Variants in IFT88 observed in about 807,000 individuals in gnomAD.
The protein encoded by IFT88 is intraflagellar transport protein 88 homolog.
A neutral mutation model predicts 119.5 loss-of-function variants in IFT88; 74 were observed. That is an observed-to-expected ratio of 0.62 (90% CI 0.51 to 0.75). IFT88 has a LOEUF of 0.75. IFT88 is among the 30% of genes least tolerant of loss of function. IFT88 has a pLI of 0.00. For synonymous variants in IFT88, 279 were observed against 316.7 expected, an observed-to-expected ratio of 0.88 and a Z score of 1.26; for missense variants, 961 against 977.7, an observed-to-expected ratio of 0.98 and a Z score of 0.23.
intron 13 of IFT88, chr13:20,614,376 T>G (rs1311732518): frequency 6.6e-6 from 1 of 152,138 alleles, no homozygotes; most frequent in Non-Finnish European, 1.5e-5. Context: ...AACATGGATA[T>G]TACTCAGCAA....
intron 24 of IFT88, among the ~76,000 whole-genome samples, chr13:20,679,110 C>T (rs1277766100): frequency 3.3e-5 from 5 of 152,182 alleles, no homozygotes; most frequent in East Asian, 1.9e-4. Context: ...CTTTCCCACT[C>T]GTGCTCTGTT....
intron 17 of IFT88, among the ~76,000 whole-genome samples, chr13:20,638,965 G>T (rs1404154623): frequency 2.0e-5 from 3 of 152,100 alleles, no homozygotes; most frequent in African/African-American, 7.2e-5. Context: ...TTCACATTTT[G>T]CCATCTTTAC....
At chr13:20,624,252 A>G (rs573223767) in intron 14 of IFT88, among the ~76,000 whole-genome samples, 1 of 152,158 alleles carries the variant, frequency 6.6e-6, no homozygotes, top group Non-Finnish European at 1.5e-5. Flanking sequence ...CCAGTTTGTT[A>G]TAATAAAGGA....
rs146900696 is a variant in IFT88 at position 20,604,809 on chromosome 13, G to A, written c.1042-226G>A. On this transcript the variant is annotated intron_variant, in intron 12 of 25. Coordinates refer to ENST00000351808, the MANE Select transcript of IFT88 (RefSeq NM_006531.5). ...ATCTCTACAAAAAATACAAAAATTA[G>A]CCAGGCATCATGGCATGCCCCTGTA... 7.0e-3 allele frequency among the ~76,000 whole-genome samples: 1,067 copies of A among 152,092 alleles called. 15 individuals are homozygous for A. Among genetic ancestry groups the A allele is most frequent in the African/African-American group, 0.024 (1,009 of 41,474 alleles).
intron 23 of IFT88, 80 bp downstream of exon 23, chr13:20,663,684 G>A (rs2054185740): frequency 1.0e-6 from 1 of 991,434 alleles, no homozygotes; most frequent in South Asian, 1.5e-5. Flanking sequence ...GTGATGTTAG[G>A]AGCTTCTATA....
chr13:20,571,243 C>G (rs1209109755), intron 1 of IFT88, among the ~76,000 whole-genome samples: 1 of 152,192 alleles, frequency 6.6e-6, no homozygotes, highest in Non-Finnish European at 1.5e-5. Context: ...ATCTGCCTGC[C>G]TCGGCCTCCC....
At chr13:20,617,852 A>G (rs1010798580) in intron 14 of IFT88, among the ~76,000 whole-genome samples, 1 of 152,114 alleles carries the variant, frequency 6.6e-6, no homozygotes, top group Non-Finnish European at 1.5e-5. Context: ...GGAGCGCAGT[A>G]GTGTGATCTC....
chr13:20,663,378 A>G (rs1184898010), intron 22 of IFT88, 120 bp from the exon 23 acceptor site: 1 of 1,534,592 alleles, frequency 6.5e-7, no homozygotes, highest in Non-Finnish European at 8.7e-7. Context: ...CAGGAGAAAA[A>G]TACTATTTGT....
chr13:20,675,171 G>A (rs556056145), intron 24 of IFT88, among the ~76,000 whole-genome samples: 2 of 152,064 alleles, frequency 1.3e-5, no homozygotes, highest in Non-Finnish European at 2.9e-5. Flanking sequence ...CTGAGGAGGT[G>A]CATAGGCCTA....
At chr13:20,626,722 A>G (rs2047395564) in intron 15 of IFT88, among the ~76,000 whole-genome samples, 1 of 152,156 alleles carries the variant, frequency 6.6e-6, no homozygotes. Context: ...GCAGTCTCTC[A>G]ATTAGGACAG....
chr13:20,627,916 G>A (rs958905374), intron 15 of IFT88, among the ~76,000 whole-genome samples: 11 of 151,944 alleles, frequency 7.2e-5, no homozygotes, highest in Non-Finnish European at 1.6e-4. Context: ...GCATTTTCAA[G>A]TTTTTAATAT....
intron 1 of IFT88, chr13:20,568,121 A>T (rs2035313509): frequency 3.1e-6 from 2 of 652,550 alleles, no homozygotes; most frequent in Non-Finnish European, 2.8e-6. Context: ...GGGTTGGAAA[A>T]GCTTGAAGTA....
At chr13:20,671,547 T>C (rs745603231) in intron 24 of IFT88, among the ~76,000 whole-genome samples, 4 of 152,200 alleles carry the variant, frequency 2.6e-5, no homozygotes, top group African/African-American at 9.7e-5. Flanking sequence ...ACATAAATGC[T>C]ATAGGCTTTT....
intron 16 of IFT88, among the ~76,000 whole-genome samples, chr13:20,637,184 A>T (rs2049142643): frequency 6.6e-6 from 1 of 152,154 alleles, no homozygotes; most frequent in Admixed American, 6.5e-5. Context: ...GTTTCTTTTG[A>T]GGGTGGAAGT....
Position 20,596,223 on chromosome 13 carries a change from TGTG to T in IFT88, c.474_476del (p.Cys158_Gly159delinsTer). ...AGAAGAAAGCTGTATTGCCAATAGT[TGTG>T]GAGACTTAAAATTGGTAAGTTCATA... On this transcript the variant is annotated stop_gained and inframe_deletion, in exon 8 of 26. Transcript: ENST00000351808. LOFTEE classifies it high-confidence loss of function. The T allele has an allele frequency of 6.6e-7, 1 of 1,517,418 alleles. No individual in the cohort carries two copies. The highest frequency in any genetic ancestry group is 9.0e-7 in the Non-Finnish European group (1 of 1,109,438). The allele number at this position is 1,517,418 out of a possible 1,614,324, so 94.0% of individuals were successfully genotyped here.
rs1169315885 is a variant in IFT88, at chr13:20,601,844, A to G, written c.952A>G (p.Ile318Val). The G allele has an allele frequency of 1.2e-6, 2 of 1,613,344 alleles. No homozygotes were observed. The highest frequency in any genetic ancestry group is 1.1e-5 in the South Asian group (1 of 91,064). ...GYNLTICYFA[I>V]GDREKMKKAF... is the part of the protein sequence containing the mutation. ...CAACCTAACTATCTGTTATTTTGCT[A>G]TTGGAGACCGAGAAAAAATGAAGAA... is the stretch of plus-strand genomic sequence containing the variant. Residue 318 changes from isoleucine (I) to valine (V), a missense_variant, in exon 12 of 26, where the codon ATT (isoleucine) becomes GTT (valine). Physicochemically the swap from Ile to Val is conservative, Grantham distance 29 (BLOSUM62 3). Coordinates refer to ENST00000351808, the MANE Select transcript of IFT88 (RefSeq NM_006531.5).
intron 14 of IFT88, among the ~76,000 whole-genome samples, chr13:20,622,157 A>G (rs78390713): frequency 2.0e-4 from 30 of 152,156 alleles, no homozygotes; most frequent in African/African-American, 7.2e-4. Flanking sequence ...TAATCCTCCA[A>G]TGAGCATTTT....
At chr13:20,666,314 TC>T (rs1329152016) in intron 23 of IFT88, among the ~76,000 whole-genome samples, 2 of 152,238 alleles carry the variant, frequency 1.3e-5, no homozygotes, top group Non-Finnish European at 2.9e-5. Flanking sequence ...AGAAAAATGA[TC>T]CTGCACTTGG....
chr13:20,626,943 A>G (rs1037170640), intron 15 of IFT88, among the ~76,000 whole-genome samples: 1 of 152,318 alleles, frequency 6.6e-6, no homozygotes, highest in Middle Eastern at 3.4e-3. Flanking sequence ...TCCCAAGCCT[A>G]TGCTTTCAGT....
Sources: gnomAD v4.1 joint callset for allele counts (sites outside exome capture counted in the v4.1 genomes callset) on GRCh38, gnomAD v4.1.1 for gene constraint, MANE v1.5 for transcripts, NCBI Gene and HGNC (gene_info 2026-07-23, HGNC 2026-07-21) for gene names.